NOTCH2NLB: variants seen among roughly 807,000 people sequenced by gnomAD.
The protein encoded by NOTCH2NLB is notch homolog 2 N-terminal-like protein B.
A neutral mutation model predicts 14.8 loss-of-function variants in NOTCH2NLB; 1 was observed. That is an observed-to-expected ratio of 0.07 (90% CI 0.02 to 0.32). NOTCH2NLB has a LOEUF of 0.32. Among genes scored for constraint, NOTCH2NLB ranks in the 10% least tolerant of loss-of-function variants. The probability of loss-of-function intolerance (pLI) is 1.00; values close to 1 mark genes in which losing one functional copy is unlikely to be tolerated. For missense variants in NOTCH2NLB, 11 were observed against 155.0 expected, an observed-to-expected ratio of 0.07 and a Z score of 4.93; for synonymous variants, 6 against 57.5, an observed-to-expected ratio of 0.10 and a Z score of 4.05.
At chr1:148,700,095 A>G in the NOTCH2NLB span, among the ~76,000 whole-genome samples, 1 of 77,026 alleles carries the variant, frequency 1.3e-5, no homozygotes, top group Non-Finnish European at 2.8e-5. Context: ...TGTTCTCATC[A>G]TTCATCTCCC....
the NOTCH2NLB span, among the ~76,000 whole-genome samples, chr1:148,693,090 C>CG: frequency 3.9e-5 from 1 of 25,934 alleles, no homozygotes; most frequent in South Asian, 9.4e-4. Context: ...AGAGAGCCGC[C>CG]CCCCCCCCCC....
At chr1:148,610,317 A>AAGAG (rs1290853880) in intron 3 of NOTCH2NLB, among the ~76,000 whole-genome samples, 18 of 66,084 alleles carry the variant, frequency 2.7e-4, no homozygotes, top group African/African-American at 9.7e-4. Context: ...GAAAGAGAGA[A>AAGAG]AGAGAGAGAA....
intron 1 of NOTCH2NLB, among the ~76,000 whole-genome samples, chr1:148,658,508 CA>C (rs1214525327): frequency 1.1e-5 from 1 of 94,396 alleles, no homozygotes; most frequent in Non-Finnish European, 2.0e-5. Flanking sequence ...CTAAAGCATG[CA>C]GTAAAGAATG....
intron 3 of NOTCH2NLB, among the ~76,000 whole-genome samples, chr1:148,615,233 CA>C (rs1388985996): frequency 0.038 from 4,120 of 107,818 alleles, 42 homozygotes; most frequent in African/African-American, 0.12. Context: ...CTCCTGGGCT[CA>C]AGCAATTCTT....
intron 3 of NOTCH2NLB, among the ~76,000 whole-genome samples, chr1:148,610,341 GAA>G (rs1663651554): frequency 2.0e-5 from 2 of 98,856 alleles, no homozygotes; most frequent in African/African-American, 8.9e-5. Context: ...AAGAAAGAAA[GAA>G]AGAAAGAAAG....
rs1182139402 is a variant in NOTCH2NLB, at chr1:148,623,963, T to C, written c.78-8013A>G. ...TCAACCTAATAGTCACCCTGAGGTA[T>C]AGAATTATCCTTCATACCCCAGGAA... On this transcript the variant is annotated intron_variant, in intron 2 of 4. Transcript: ENST00000593495. Among the ~76,000 whole-genome samples, 4 of 90,068 alleles carry C rather than the reference T, an allele frequency of 4.4e-5. 2 individuals are homozygous for C. The highest frequency in any genetic ancestry group is 8.7e-4 in the South Asian group (2 of 2,298). The allele number at this position is 90,068 out of a possible 152,430, so 59.1% of individuals were successfully genotyped here. A position where few individuals can be genotyped will look rare whatever the true frequency, so the allele number is the denominator to read the frequency against.
At chr1:148,639,257 TCTCA>T (rs1448504097) in intron 2 of NOTCH2NLB, among the ~76,000 whole-genome samples, 1 of 77,190 alleles carries the variant, frequency 1.3e-5, no homozygotes, top group East Asian at 4.6e-4. Context: ...CATCTTCCTC[TCTCA>T]CTGTCTCACT....
rs1276747689 is a variant in NOTCH2NLB at position 148,613,050 on chromosome 1, CAT to C, written c.337+2639_337+2640del. Among the ~76,000 whole-genome samples, 1,180 of 139,608 alleles carry C rather than the reference CAT, an allele frequency of 8.5e-3. 88 individuals carry two copies. Among genetic ancestry groups the C allele is most frequent in the African/African-American group, 0.032 (1,128 of 35,698 alleles). The allele number at this position is 139,608 out of a possible 152,430, so 91.6% of individuals were successfully genotyped here. A position where few individuals can be genotyped will look rare whatever the true frequency, so the allele number is the denominator to read the frequency against. ...TATTTCCTCCTTCTTTTATTAAAAA[CAT>C]GTCTGTGCTTGCACACACTTGTACT... On this transcript the variant is annotated intron_variant, in intron 3 of 4. Transcript: ENST00000593495.
intron 1 of NOTCH2NLB, among the ~76,000 whole-genome samples, chr1:148,661,400 T>C (rs1301305534): frequency 6.7e-6 from 1 of 150,134 alleles, no homozygotes; most frequent in East Asian, 1.9e-4. Flanking sequence ...GATACTTAAT[T>C]CAGATATTCA....
chr1:148,638,330 G>A (rs1664263250), intron 2 of NOTCH2NLB, among the ~76,000 whole-genome samples: 1 of 149,218 alleles, frequency 6.7e-6, no homozygotes, highest in Non-Finnish European at 1.5e-5. Context: ...TGCAAAAAAT[G>A]CATAAGACTA....
Position 148,679,501 on chromosome 1 carries a change from G to A in NOTCH2NLB, c.-37C>T. 3 of 1,123,404 alleles carry A rather than the reference G, an allele frequency of 2.7e-6. No individual in the cohort carries two copies. In the South Asian group the frequency reaches 5.6e-5, roughly 21 times the overall value. 69.6% of individuals were successfully genotyped at this position (1,123,404 alleles called of 1,614,324 possible). ...GCGCAGCACAGCCAGAGCGCCAGCA[G>A]CGCCCACAGCAGAGCGGGGCGCAGG... On this transcript the variant is annotated 5_prime_UTR_variant, in exon 1 of 5. Transcript: ENST00000593495.
chr1:148,649,606 G>A (rs1204771526), intron 1 of NOTCH2NLB, among the ~76,000 whole-genome samples: 2 of 151,110 alleles, frequency 1.3e-5, no homozygotes, highest in Non-Finnish European at 2.9e-5. Flanking sequence ...CTCCTCCTGG[G>A]TTCACGCCAT....
chr1:148,673,990 C>T (rs1286464975), intron 1 of NOTCH2NLB, among the ~76,000 whole-genome samples: 1 of 75,500 alleles, frequency 1.3e-5, no homozygotes, highest in Non-Finnish European at 3.0e-5. Context: ...GGAAACACTG[C>T]TTGATAAATG....
chr1:148,610,373 G>GAAAGAAAGAAAGAAAGAAAGAGAA (rs1484773225), intron 3 of NOTCH2NLB, among the ~76,000 whole-genome samples: 3 of 89,186 alleles, frequency 3.4e-5, no homozygotes, highest in East Asian at 3.0e-4. Flanking sequence ...AAGAAAGAAA[G>GAAAGAAAGAAAGAAAGAAAGAGAA]AGAAAGAAAG....
intron 3 of NOTCH2NLB, among the ~76,000 whole-genome samples, chr1:148,613,208 A>C (rs1210652780): frequency 1.3e-5 from 2 of 148,832 alleles, no homozygotes; most frequent in Non-Finnish European, 3.0e-5. Flanking sequence ...GTGTTTCCGG[A>C]TGTATGAAGA....
chr1:148,685,028 A>G, the NOTCH2NLB span, among the ~76,000 whole-genome samples: 1 of 106,106 alleles, frequency 9.4e-6, no homozygotes, highest in African/African-American at 3.4e-5. Flanking sequence ...CTCCCTTAAA[A>G]TCTTCTTTTA....
intron 1 of NOTCH2NLB, among the ~76,000 whole-genome samples, chr1:148,651,158 A>ATATATATATATAT (rs1383778431): frequency 1.2e-5 from 1 of 81,354 alleles, no homozygotes; most frequent in African/African-American, 5.2e-5. Context: ...AAAAAAAAAA[A>ATATATATATATAT]AAAAATATAT....
chr1:148,610,789 G>T (rs1188120251), intron 3 of NOTCH2NLB, among the ~76,000 whole-genome samples: 222 of 7,472 alleles, frequency 0.03, 3 homozygotes, highest in Middle Eastern at 0.071. Flanking sequence ...AGCTACTCAG[G>T]AGGCTGAGGC....
downstream of NOTCH2NLB, among the ~76,000 whole-genome samples, chr1:148,602,259 C>CA (rs1173403342): frequency 8.3e-3 from 175 of 21,096 alleles, no homozygotes; most frequent in African/African-American, 0.037. Flanking sequence ...TGCTCCGTCT[C>CA]AAAAAAAAAA....
Sources: allele counts gnomAD v4.1 joint callset (sites outside exome capture counted in the v4.1 genomes callset), GRCh38; gene constraint gnomAD v4.1.1; transcripts MANE v1.5; gene names NCBI Gene and HGNC (gene_info 2026-07-23, HGNC 2026-07-21).